The following NOL9 variants were observed in gnomAD, a reference collection of about 807,000 sequenced individuals.
NOL9 encodes the protein polynucleotide 5'-hydroxyl-kinase NOL9.
A neutral mutation model predicts 67.9 loss-of-function variants in NOL9; 28 were observed. The ratio of observed to expected loss-of-function variants is 0.41; its 90% CI spans 0.31 to 0.57. NOL9 has a LOEUF of 0.57. Ranked by LOEUF, NOL9 falls within the 20% of genes least tolerant of loss-of-function variation. The pLI, the probability that NOL9 is intolerant of heterozygous loss-of-function variation, is 0.25. For synonymous variants in NOL9, 356 were observed against 352.2 expected (o/e 1.01, Z -0.12); for missense variants, 777 against 897.0 (o/e 0.87, Z 1.71).
At chr1:6,529,268 G>A (rs1055759400) in intron 9 of NOL9, 97 bp from the exon 10 acceptor site, 2 of 1,075,986 alleles carry the variant, frequency 1.9e-6, no homozygotes, top group Non-Finnish European at 2.7e-6. Context: ...AGATAGGTCT[G>A]CCAAAGTGCC....
chr1:6,535,099 C>T (rs147969865), intron 6 of NOL9, among the ~76,000 whole-genome samples: 1,533 of 152,258 alleles, frequency 0.01, 17 homozygotes, highest in African/African-American at 0.025. Flanking sequence ...CATGAAGCAC[C>T]GTGCCTGGTT....
At chr1:6,531,465 G>A (rs1202971378) in intron 9 of NOL9, among the ~76,000 whole-genome samples, 7 of 151,864 alleles carry the variant, frequency 4.6e-5, no homozygotes, top group African/African-American at 4.8e-5. Flanking sequence ...TGCCCGCCTT[G>A]GCCTCCCAAA....
At chr1:6,531,838 G>C in intron 9 of NOL9, 130 bp downstream of exon 9, 1 of 726,232 alleles carries the variant, frequency 1.4e-6, no homozygotes, top group South Asian at 1.7e-5. Context: ...GACACAAGCT[G>C]TGTCACTGGG....
Position 6,532,524 on chromosome 1 carries a change from T to C in NOL9, c.1474A>G (p.Thr492Ala). ...DEEKESPVEF[T>A]GHKLIGVYTD... ...TAAACACCTATCAGTTTATGTCCAGTGAACTCAACTGGACTCTCTTTTTCT... is the reference window on the plus strand; with the variant it reads ...TAAACACCTATCAGTTTATGTCCAGCGAACTCAACTGGACTCTCTTTTTCT... The change falls in exon 8 of 12, where the codon ACT becomes GCT. Residue 492 changes from threonine (T) to alanine (A), a missense_variant. Thr to Ala is a moderately conservative substitution (Grantham distance 58). Coordinates refer to ENST00000377705, the MANE Select transcript of NOL9 (RefSeq NM_024654.5). 1 of 1,614,254 alleles carries C rather than the reference T, an allele frequency of 6.2e-7. No homozygotes were observed. Among genetic ancestry groups the C allele is most frequent in the Non-Finnish European group, 8.5e-7 (1 of 1,180,036 alleles).
chr1:6,545,241 A>C (rs1639394196), intron 3 of NOL9, 61 bp from the exon 4 acceptor site: 7 of 1,498,766 alleles, frequency 4.7e-6, no homozygotes, highest in Admixed American at 1.9e-5. Context: ...TCAGTACTAA[A>C]TTAATCAAGC....
intron 11 of NOL9, among the ~76,000 whole-genome samples, chr1:6,526,473 G>A (rs891923253): frequency 3.9e-5 from 6 of 152,158 alleles, no homozygotes; most frequent in Non-Finnish European, 7.3e-5. Flanking sequence ...TCCACCACGG[G>A]TTGCAGTGAG....
chr1:6,526,952 A>G, intron 10 of NOL9, 123 bp from the exon 11 acceptor site: 1 of 1,309,656 alleles, frequency 7.6e-7, no homozygotes, highest in Admixed American at 2.8e-5. Context: ...TGTTTTGAAA[A>G]TACAAAGAGC....
chr1:6,534,526 C>A (rs1639105038), intron 6 of NOL9, among the ~76,000 whole-genome samples: 1 of 152,136 alleles, frequency 6.6e-6, no homozygotes, highest in African/African-American at 2.4e-5. Context: ...ATGATGGGAG[C>A]TGCGAATTCA....
At chr1:6,534,503 CAG>C (rs1433237385) in intron 6 of NOL9, among the ~76,000 whole-genome samples, 1 of 152,148 alleles carries the variant, frequency 6.6e-6, no homozygotes, top group Non-Finnish European at 1.5e-5. Context: ...ACTCAACCGT[CAG>C]AGTGGCCACT....
At chr1:6,537,188 C>A (rs1394160020) in intron 6 of NOL9, among the ~76,000 whole-genome samples, 2 of 151,698 alleles carry the variant, frequency 1.3e-5, no homozygotes, top group Non-Finnish European at 2.9e-5. Context: ...TCTGGTTATC[C>A]ACGGGGAGAA....
At chr1:6,532,893 C>T in intron 7 of NOL9, 133 bp from the exon 8 acceptor site, 1 of 903,426 alleles carries the variant, frequency 1.1e-6, no homozygotes. Flanking sequence ...TGGACTTCGG[C>T]TGGGCACAGT....
intron 3 of NOL9, among the ~76,000 whole-genome samples, chr1:6,545,862 C>T (rs1368010434): frequency 7.7e-6 from 1 of 130,226 alleles, no homozygotes; most frequent in Admixed American, 1.0e-4. Flanking sequence ...TGCAGTGAGT[C>T]AAGACTGTGG....
chr1:6,530,877 C>T (rs897591840), intron 9 of NOL9, among the ~76,000 whole-genome samples: 1 of 152,252 alleles, frequency 6.6e-6, no homozygotes, highest in Non-Finnish European at 1.5e-5. Flanking sequence ...CAGACCTGGG[C>T]TCAGAGTCGG....
chr1:6,538,296 T>A (rs1405513632), intron 6 of NOL9, among the ~76,000 whole-genome samples: 2 of 152,122 alleles, frequency 1.3e-5, no homozygotes, highest in Non-Finnish European at 2.9e-5. Flanking sequence ...AGATTGTACA[T>A]CTCATAAAGG....
intron 3 of NOL9, among the ~76,000 whole-genome samples, chr1:6,546,610 GCT>G (rs1421441267): frequency 1.3e-5 from 2 of 152,100 alleles, no homozygotes; most frequent in African/African-American, 4.8e-5. Context: ...ACCTGGCTAT[GCT>G]CCTAAGGCCA....
chr1:6,545,774 C>T (rs958923806), intron 3 of NOL9, among the ~76,000 whole-genome samples: 1 of 151,922 alleles, frequency 6.6e-6, no homozygotes, highest in Non-Finnish European at 1.5e-5. Flanking sequence ...GCAGGCTGGG[C>T]GCAGTGGTGC....
At chr1:6,550,191 T>C (rs1044573955) in intron 2 of NOL9, among the ~76,000 whole-genome samples, 4 of 152,036 alleles carry the variant, frequency 2.6e-5, no homozygotes, top group African/African-American at 9.7e-5. Context: ...GCCACCACGC[T>C]TGGCTAATTT....
At chr1:6,527,925 C>T (rs368965627) in intron 10 of NOL9, among the ~76,000 whole-genome samples, 1 of 151,836 alleles carries the variant, frequency 6.6e-6, no homozygotes, top group South Asian at 2.1e-4. Flanking sequence ...AGCAAGACTC[C>T]GTCTCGGAAA....
chr1:6,525,777 C>T lies in NOL9; in HGVS notation c.*77G>A. 1.3e-6 allele frequency: 2 copies of T among 1,494,012 alleles called. No homozygotes were observed. The highest frequency in any genetic ancestry group is 1.2e-5 in the South Asian group (1 of 86,062). 92.5% of individuals were successfully genotyped at this position (1,494,012 alleles called of 1,614,324 possible). A position where few individuals can be genotyped will look rare whatever the true frequency, so the allele number is the denominator to read the frequency against. On this transcript the variant is annotated 3_prime_UTR_variant, in exon 12 of 12. Transcript: ENST00000377705. ...GGCACCATTCATGGCCATGAAACTC[C>T]ATCATGTCTCTTGTGGTCAGGCTTG...
Sources: allele counts gnomAD v4.1 joint callset (sites outside exome capture counted in the v4.1 genomes callset), GRCh38; gene constraint gnomAD v4.1.1; transcripts MANE v1.5; gene names NCBI Gene and HGNC (gene_info 2026-07-23, HGNC 2026-07-21).